RBMS3: variants seen among roughly 807,000 people sequenced by gnomAD.
The protein encoded by RBMS3 is RNA binding motif single stranded interacting protein 3.
In RBMS3, 27 loss-of-function variants were observed where a neutral mutation model predicts 66.8. The observed-to-expected ratio is 0.40, with a 90% confidence interval of 0.30 to 0.56. The LOEUF is 0.56. Ranked by LOEUF, RBMS3 falls within the 20% of genes least tolerant of loss-of-function variation. The probability of loss-of-function intolerance (pLI) is 0.40; values close to 1 mark genes in which losing one functional copy is unlikely to be tolerated. For synonymous variants in RBMS3, 188 were observed against 183.0 expected (o/e 1.03, Z -0.22); for missense variants, 513 against 549.5 (o/e 0.93, Z 0.66).
intron 2 of RBMS3, among the ~76,000 whole-genome samples, chr3:29,487,743 A>T (rs1161917726): frequency 6.6e-6 from 1 of 152,144 alleles, no homozygotes; most frequent in Non-Finnish European, 1.5e-5. Context: ...TACTTACAAA[A>T]ATATTTATAT....
At chr3:29,989,031 T>TTTTTAAAAGATCTTAGATGATTC (rs1698637204) in intron 13 of RBMS3, among the ~76,000 whole-genome samples, 1 of 152,228 alleles carries the variant, frequency 6.6e-6, no homozygotes, top group African/African-American at 2.4e-5. Flanking sequence ...GAACATCATA[T>TTTTTAAAAGATCTTAGATGATTC]TTTTAAAAGA....
intron 1 of RBMS3, among the ~76,000 whole-genome samples, chr3:29,370,639 G>A (rs141309519): frequency 2.3e-4 from 35 of 152,278 alleles, no homozygotes; most frequent in African/African-American, 8.2e-4. Context: ...TTCAGTTCTA[G>A]TATTAAATCA....
At chr3:29,567,747 CTG>C (rs57173466) in intron 3 of RBMS3, among the ~76,000 whole-genome samples, 168 of 152,312 alleles carry the variant, frequency 1.1e-3, no homozygotes, top group African/African-American at 3.9e-3. Flanking sequence ...TAGCCTCTCT[CTG>C]TGCAATTTTT....
intron 5 of RBMS3, among the ~76,000 whole-genome samples, chr3:29,743,902 C>A (rs370540317): frequency 3.4e-5 from 4 of 116,250 alleles, no homozygotes; most frequent in Admixed American, 2.8e-4. Flanking sequence ...CCCCTCCCCC[C>A]ACCCCACAAC....
intron 5 of RBMS3, among the ~76,000 whole-genome samples, chr3:29,748,863 C>A (rs9856099): frequency 0.46 from 70,442 of 151,980 alleles, 17,525 homozygotes; most frequent in African/African-American, 0.64. Context: ...CTCAGGTGGG[C>A]GTGTGGGGAA....
At chr3:29,818,643 A>G (rs17024447) in intron 6 of RBMS3, among the ~76,000 whole-genome samples, 18 of 152,266 alleles carry the variant, frequency 1.2e-4, no homozygotes, top group African/African-American at 3.6e-4. Flanking sequence ...AATTGGGATA[A>G]GAAAAACACT....
chr3:29,787,553 G>A (rs1036413178), intron 6 of RBMS3, among the ~76,000 whole-genome samples: 9 of 152,210 alleles, frequency 5.9e-5, no homozygotes, highest in African/African-American at 2.2e-4. Context: ...GCAATTGCAG[G>A]ATGGAATTGG....
At chr3:29,463,900 C>T (rs1471516667) in intron 2 of RBMS3, among the ~76,000 whole-genome samples, 1 of 152,086 alleles carries the variant, frequency 6.6e-6, no homozygotes, top group Non-Finnish European at 1.5e-5. Context: ...TTTTCTATTC[C>T]TGGATAACTA....
At chr3:29,367,632 G>A (rs939700707) in intron 1 of RBMS3, among the ~76,000 whole-genome samples, 4 of 152,042 alleles carry the variant, frequency 2.6e-5, no homozygotes, top group African/African-American at 7.2e-5. Flanking sequence ...GTTGGTACTT[G>A]CTTATAGGAA....
chr3:29,284,202 A>G (rs2125410010), intron 1 of RBMS3, among the ~76,000 whole-genome samples: 1 of 152,262 alleles, frequency 6.6e-6, no homozygotes, highest in Admixed American at 6.5e-5. Flanking sequence ...ATTCATAGCT[A>G]TTTAAAATGA....
At chr3:29,779,489 G>A (rs2056547011) in intron 6 of RBMS3, among the ~76,000 whole-genome samples, 1 of 151,068 alleles carries the variant, frequency 6.6e-6, no homozygotes, top group Admixed American at 6.6e-5. Flanking sequence ...TTTATTCCTT[G>A]AATTTCTGAG....
rs764842361 is a variant in RBMS3, at chr3:29,434,764, C to T, written c.97C>T (p.His33Tyr). ...CCAGCAGTCCTATGCACCAGCTCCC[C>T]ACCCCATGGCTCCTCCCAGCCCCAG... ...QTKQSYAPAPHPMAPPSPSTN... is the reference protein window; with the variant it reads ...QTKQSYAPAPYPMAPPSPSTN... The change falls in exon 2 of 15, where the codon CAC (histidine) becomes TAC (tyrosine). Residue 33 changes from histidine (H) to tyrosine (Y), a missense_variant. Transcript: ENST00000383767. 6.2e-6 allele frequency: 10 copies of T among 1,613,746 alleles called. No homozygotes were observed. In the African/African-American group the frequency reaches 1.2e-4, roughly 19 times the overall value.
intron 6 of RBMS3, among the ~76,000 whole-genome samples, chr3:29,817,631 GA>G (rs1338267161): frequency 6.6e-6 from 1 of 151,984 alleles, no homozygotes; most frequent in African/African-American, 2.4e-5. Flanking sequence ...ATTTGGGAAA[GA>G]AAATATCAGA....
intron 6 of RBMS3, among the ~76,000 whole-genome samples, chr3:29,833,800 C>A (rs2888162): frequency 0.41 from 62,358 of 151,800 alleles, 13,331 homozygotes; most frequent in Non-Finnish European, 0.47. Context: ...CCAAATCTGG[C>A]GAGAGATGTG....
At chr3:29,473,615 C>T (rs1179411373) in intron 2 of RBMS3, among the ~76,000 whole-genome samples, 1 of 152,240 alleles carries the variant, frequency 6.6e-6, no homozygotes, top group African/African-American at 2.4e-5. Flanking sequence ...GAGGCTCAGG[C>T]ATGGCGGGCT....
chr3:29,970,523 G>A (rs984040503), intron 12 of RBMS3, among the ~76,000 whole-genome samples: 3 of 151,894 alleles, frequency 2.0e-5, no homozygotes, highest in Non-Finnish European at 2.9e-5. Flanking sequence ...CCAGTGAATG[G>A]GAGATATTAA....
chr3:29,422,285 C>T (rs1575771583), intron 1 of RBMS3, among the ~76,000 whole-genome samples: 1 of 151,442 alleles, frequency 6.6e-6, no homozygotes, highest in Non-Finnish European at 1.5e-5. Context: ...CTGCCAGTCT[C>T]TGAAGCTCAA....
chr3:29,895,321 T>C (rs1394631615), intron 8 of RBMS3, among the ~76,000 whole-genome samples: 1 of 151,518 alleles, frequency 6.6e-6, no homozygotes, highest in East Asian at 1.9e-4. Flanking sequence ...CTCTTTAGTG[T>C]ACAGTTCTAT....
At chr3:29,833,660 C>T (rs1298042122) in intron 6 of RBMS3, among the ~76,000 whole-genome samples, 1 of 151,850 alleles carries the variant, frequency 6.6e-6, no homozygotes, top group Non-Finnish European at 1.5e-5. Context: ...ACAGTGAAAA[C>T]AAATGAACAA....
Sources: gnomAD v4.1 joint callset for allele counts (sites outside exome capture counted in the v4.1 genomes callset) on GRCh38, gnomAD v4.1.1 for gene constraint, MANE v1.5 for transcripts, NCBI Gene and HGNC (gene_info 2026-07-23, HGNC 2026-07-21) for gene names.